Variants in DNAH17 observed in about 807,000 individuals in gnomAD.
DNAH17 encodes dynein axonemal heavy chain 17.
In DNAH17, 376 loss-of-function variants were observed where a neutral mutation model predicts 485.6. The observed-to-expected ratio is 0.77, with a 90% CI of 0.71 to 0.84. DNAH17 has a LOEUF of 0.84. Among genes scored for constraint, DNAH17 ranks in the 40% least tolerant of loss-of-function variants. The pLI is 0.00. For synonymous variants in DNAH17, 3,031 were observed against 2,405.9 expected, an observed-to-expected ratio of 1.26 and a Z score of -7.60; for missense variants, 6,370 against 5,839.3, an observed-to-expected ratio of 1.09 and a Z score of -2.96.
At chr17:78,449,716 C>A in intron 68 of DNAH17, 132 bp from the exon 69 acceptor site, 6 of 956,014 alleles carry the variant, frequency 6.3e-6, no homozygotes, top group Non-Finnish European at 7.7e-6. Context: ...CTTGCTCTGT[C>A]GCCCAGGCTG....
intron 11 of DNAH17, among the ~76,000 whole-genome samples, chr17:78,564,173 T>C (rs765255558): frequency 9.8e-4 from 149 of 152,142 alleles, no homozygotes; most frequent in Non-Finnish European, 1.2e-3. Context: ...AAAGTTGAAC[T>C]CGCCAACCCA....
chr17:78,424,409 A>G (rs2146395357), intron 80 of DNAH17: 1 of 443,710 alleles, frequency 2.3e-6, no homozygotes, highest in South Asian at 4.2e-5. Context: ...AATCTGTGGC[A>G]TTTTCAGAGC....
At chr17:78,490,416 C>T (rs762795399) in intron 44 of DNAH17, among the ~76,000 whole-genome samples, 1 of 152,208 alleles carries the variant, frequency 6.6e-6, no homozygotes, top group African/African-American at 2.4e-5. Flanking sequence ...GAAGACTTCC[C>T]ACCTCCACAG....
intron 22 of DNAH17, among the ~76,000 whole-genome samples, chr17:78,528,755 C>T (rs1005215607): frequency 3.3e-5 from 5 of 152,114 alleles, no homozygotes; most frequent in African/African-American, 9.7e-5. Context: ...CACCCCTCCA[C>T]GCTGACAGCT....
rs956486397 is a variant in DNAH17, at chr17:78,459,333, G to T, written c.9654-125C>A. 8.5e-6 allele frequency: 8 copies of T among 943,800 alleles called. No homozygotes were observed. In the Admixed American group the frequency reaches 9.1e-5, roughly 11 times the overall value. The allele number at this position is 943,800 out of a possible 1,614,324, so 58.5% of individuals were successfully genotyped here. A position where few individuals can be genotyped will look rare whatever the true frequency, so the allele number is the denominator to read the frequency against. ...GAGGGGCAGCGCTGGGATTCACACA[G>T]TCAGGCTGGCCCTAGAGGCCACCCC... On this transcript the variant is annotated intron_variant, in intron 60 of 80. Coordinates refer to ENST00000389840, the MANE Select transcript of DNAH17 (RefSeq NM_173628.4).
chr17:78,474,240 T>G (rs2088904725), intron 54 of DNAH17, among the ~76,000 whole-genome samples: 1 of 152,196 alleles, frequency 6.6e-6, no homozygotes, highest in Non-Finnish European at 1.5e-5. Flanking sequence ...GGTTCCCCCT[T>G]GGGTCTGGCA....
chr17:78,537,698 TG>T (rs1372796212), intron 18 of DNAH17, among the ~76,000 whole-genome samples: 1 of 152,160 alleles, frequency 6.6e-6, no homozygotes, highest in Non-Finnish European at 1.5e-5. Context: ...AGGGGCAGGT[TG>T]GGGCAAGGGG....
intron 56 of DNAH17, among the ~76,000 whole-genome samples, chr17:78,464,958 C>T (rs1392304417): frequency 6.6e-6 from 1 of 152,270 alleles, no homozygotes; most frequent in African/African-American, 2.4e-5. Context: ...CGCTCTCCCT[C>T]TCCCTCTCCC....
intron 9 of DNAH17, 112 bp downstream of exon 9, chr17:78,569,054 T>C: frequency 1.2e-6 from 1 of 853,580 alleles, no homozygotes; most frequent in Non-Finnish European, 1.8e-6. Context: ...GCCTCACTTA[T>C]TTTCTGCCTG....
Position 78,503,105 on chromosome 17 carries a change from CTCA to C in DNAH17, c.4957-97_4957-95del, listed in dbSNP as rs112138744. Reference sequence around the variant, plus strand: ...GTATTTGTTGTAAAGAAAAACATTTCTCATCATCCTCATCCCAGGGGCAGACAG... The same window carrying C: ...GTATTTGTTGTAAAGAAAAACATTTCTCATCCTCATCCCAGGGGCAGACAG... On this transcript the variant is annotated intron_variant, in intron 31 of 80. Transcript: ENST00000389840. The C allele has an allele frequency of 6.1e-3, 8,356 of 1,363,922 alleles. 392 individuals are homozygous for C. In the African/African-American group the frequency reaches 0.1, roughly 17 times the overall value. The allele number at this position is 1,363,922 out of a possible 1,614,324, so 84.5% of individuals were successfully genotyped here.
At chr17:78,551,449 T>A (rs908560802) in intron 16 of DNAH17, 86 bp downstream of exon 16, 1 of 1,257,024 alleles carries the variant, frequency 8.0e-7, no homozygotes. Flanking sequence ...CGCAGCACTT[T>A]CCATGGGCCT....
intron 74 of DNAH17, among the ~76,000 whole-genome samples, chr17:78,434,823 T>TTC (rs2086805578): frequency 6.6e-6 from 1 of 152,232 alleles, no homozygotes; most frequent in Non-Finnish European, 1.5e-5. Context: ...ACACAGAGGC[T>TTC]TCTGGAAGCC....
intron 79 of DNAH17, among the ~76,000 whole-genome samples, chr17:78,426,066 G>T (rs983241290): frequency 6.6e-6 from 1 of 152,134 alleles, no homozygotes; most frequent in Non-Finnish European, 1.5e-5. Flanking sequence ...TCCAGCTGCT[G>T]TTTGCTCCAT....
In DNAH17 at chr17:78,505,434, G is replaced by A. The variant is rs764589658; in HGVS notation, c.4815C>T (p.His1605=). 3 of 1,613,892 alleles carry A rather than the reference G, an allele frequency of 1.9e-6. No individual in the cohort carries two copies. In the South Asian group the frequency reaches 3.3e-5, roughly 18 times the overall value. ...ACAGGCTATCGAAGAGTTTGGACAG[G>A]TGGCGGCTCACCTGGGAGGAGGCAA... is the stretch of plus-strand genomic sequence containing the variant. ...NGNDPVEVSR[H]LSKLFDSLCK... Residue 1605 remains histidine, a synonymous_variant, in exon 31 of 81, where the codon CAC becomes CAT. Transcript: ENST00000389840.
In DNAH17 at chr17:78,495,736, C is replaced by A. The variant is rs944052466; in HGVS notation, c.5903+139G>T. The A allele has an allele frequency of 2.9e-6, 3 of 1,041,478 alleles. No homozygotes were observed. In the African/African-American group the frequency reaches 4.9e-5, roughly 17 times the overall value. The allele number at this position is 1,041,478 out of a possible 1,614,324, so 64.5% of individuals were successfully genotyped here. On this transcript the variant is annotated intron_variant, in intron 38 of 80. Coordinates refer to ENST00000389840, the MANE Select transcript of DNAH17 (RefSeq NM_173628.4). The stretch of plus-strand genomic sequence containing the variant: ...TACAGAAGTGAGTTACTGTGCCCGG[C>A]CATCTTGGGAGCTTTTGATGACTTC...
chr17:78,500,159 G>T, intron 36 of DNAH17, 146 bp downstream of exon 36: 1 of 890,420 alleles, frequency 1.1e-6, no homozygotes. Context: ...CTACCAGCAA[G>T]TGGGGGCCCT....
intron 9 of DNAH17, among the ~76,000 whole-genome samples, chr17:78,567,805 G>A (rs527856530): frequency 2.0e-5 from 3 of 152,230 alleles, no homozygotes; most frequent in Non-Finnish European, 2.9e-5. Context: ...CTTTAGTCAC[G>A]TTCAGGCCCA....
At chr17:78,450,199 G>A (rs1358349363) in intron 68 of DNAH17, 55 bp downstream of exon 68, 2 of 1,603,028 alleles carry the variant, frequency 1.2e-6, no homozygotes, top group Non-Finnish European at 1.7e-6. Context: ...TGGCTGTGGA[G>A]CCCAGATGCA....
chr17:78,425,652 G>A (rs1284774308), intron 79 of DNAH17, 81 bp from the exon 80 acceptor site: 1 of 1,313,080 alleles, frequency 7.6e-7, no homozygotes. Context: ...TCTGAGCAGG[G>A]GTCACGCCAG....
Sources: gnomAD v4.1 joint callset for allele counts (sites outside exome capture counted in the v4.1 genomes callset) on GRCh38, gnomAD v4.1.1 for gene constraint, MANE v1.5 for transcripts, NCBI Gene and HGNC (gene_info 2026-07-23, HGNC 2026-07-21) for gene names.